Variants in WWOX observed in about 807,000 individuals in gnomAD.
The protein encoded by WWOX is WW domain containing oxidoreductase, also known as WW domain-containing oxidoreductase.
Under a neutral mutation model 46.2 loss-of-function variants are expected in WWOX, and 69 were observed. That is an observed-to-expected ratio of 1.49 (90% CI 1.23 to 1.82). The LOEUF (loss-of-function observed/expected upper bound fraction) is 1.82, where lower values mean the gene tolerates loss of function less well. Among genes scored for constraint, WWOX ranks in the 40% most tolerant of loss-of-function variants. WWOX has a pLI of 0.00. For missense variants in WWOX, 919 were observed against 542.6 expected (o/e 1.69, Z -6.89); for synonymous variants, 359 against 202.6 (o/e 1.77, Z -6.56).
chr16:78,880,832 G>C (rs544258484), intron 8 of WWOX, among the ~76,000 whole-genome samples: 4 of 152,144 alleles, frequency 2.6e-5, no homozygotes, highest in South Asian at 4.1e-4. Flanking sequence ...TTTCTAAGTT[G>C]GGATCAGTTC....
At chr16:78,830,244 A>G (rs1166486151) in intron 8 of WWOX, among the ~76,000 whole-genome samples, 1 of 152,266 alleles carries the variant, frequency 6.6e-6, no homozygotes, top group African/African-American at 2.4e-5. Context: ...TTTGCATCTG[A>G]ATGATATTTA....
chr16:78,808,851 C>T (rs2051110987), intron 8 of WWOX, among the ~76,000 whole-genome samples: 1 of 152,082 alleles, frequency 6.6e-6, no homozygotes, highest in East Asian at 1.9e-4. Flanking sequence ...TACGGCTGCC[C>T]CTCATTTGAA....
intron 7 of WWOX, among the ~76,000 whole-genome samples, chr16:78,427,061 G>A (rs191540305): frequency 6.6e-6 from 1 of 152,206 alleles, no homozygotes; most frequent in Non-Finnish European, 1.5e-5. Flanking sequence ...CCATGAGTGA[G>A]CGTGGTGACT....
At chr16:79,158,654 C>G (rs1219301647) in intron 8 of WWOX, among the ~76,000 whole-genome samples, 1 of 152,246 alleles carries the variant, frequency 6.6e-6, no homozygotes, top group African/African-American at 2.4e-5. Context: ...TCTGTCCCCA[C>G]CTGCTATCCT....
intron 8 of WWOX, among the ~76,000 whole-genome samples, chr16:79,147,906 C>G (rs1300572922): frequency 1.3e-5 from 2 of 151,800 alleles, no homozygotes; most frequent in African/African-American, 2.4e-5. Context: ...ATGTTTTTTT[C>G]TCATTTTCTA....
At chr16:78,413,282 T>C (rs570467292) in intron 6 of WWOX, among the ~76,000 whole-genome samples, 5 of 152,262 alleles carry the variant, frequency 3.3e-5, no homozygotes, top group Admixed American at 3.3e-4. Flanking sequence ...GTCTCACGTG[T>C]CCATGTGAAG....
chr16:79,184,469 T>C (rs2050974852), intron 8 of WWOX, among the ~76,000 whole-genome samples: 1 of 152,176 alleles, frequency 6.6e-6, no homozygotes, highest in Admixed American at 6.5e-5. Context: ...GTTTCTGTTG[T>C]CTTTGCTGCA....
intron 8 of WWOX, among the ~76,000 whole-genome samples, chr16:78,829,970 C>A (rs112813980): frequency 0.019 from 2,843 of 152,102 alleles, 38 homozygotes; most frequent in Non-Finnish European, 0.027. Flanking sequence ...CTTTAAAATA[C>A]TTTGGGGCCA....
intron 8 of WWOX, among the ~76,000 whole-genome samples, chr16:78,682,218 G>T (rs1567487358): frequency 6.6e-6 from 1 of 152,064 alleles, no homozygotes; most frequent in Non-Finnish European, 1.5e-5. Flanking sequence ...TGAAAATTGG[G>T]CCTAACCCAC....
chr16:78,177,162 G>A (rs1259731107), intron 5 of WWOX, among the ~76,000 whole-genome samples: 1 of 152,132 alleles, frequency 6.6e-6, no homozygotes, highest in East Asian at 1.9e-4. Context: ...TTTTATAAAA[G>A]GGCGGGTACA....
chr16:78,188,254 C>T (rs559730796), intron 5 of WWOX, among the ~76,000 whole-genome samples: 4 of 152,192 alleles, frequency 2.6e-5, no homozygotes, highest in African/African-American at 4.8e-5. Context: ...CTTTGGGAGG[C>T]CGAGGCGGGC....
At chr16:78,414,214 CA>C (rs1375655378) in intron 6 of WWOX, among the ~76,000 whole-genome samples, 1 of 152,044 alleles carries the variant, frequency 6.6e-6, no homozygotes, top group African/African-American at 2.4e-5. Context: ...AACTGCCCTA[CA>C]CCTATTTCCC....
intron 6 of WWOX, among the ~76,000 whole-genome samples, chr16:78,421,748 T>A (rs1197509839): frequency 6.6e-6 from 1 of 152,204 alleles, no homozygotes; most frequent in Admixed American, 6.5e-5. Flanking sequence ...TGGCTAAAAC[T>A]TGATCTGCTT....
rs375283452 is a variant in WWOX, at chr16:78,957,909, G to T, written c.1057-253699G>T. ...ACATGACTAATCCGCCCTTTCTTTT[G>T]TTTGTGCAACAACTCAATTCACTGT... On this transcript the variant is annotated intron_variant, in intron 8 of 8. Transcript: ENST00000566780. 1.3e-3 allele frequency among the ~76,000 whole-genome samples: 198 copies of T among 152,268 alleles called. 1 individual carries two copies. Among genetic ancestry groups the T allele is most frequent in the African/African-American group, 4.4e-3 (183 of 41,558 alleles).
At chr16:78,404,578 A>G (rs561289980) in intron 6 of WWOX, among the ~76,000 whole-genome samples, 1 of 152,208 alleles carries the variant, frequency 6.6e-6, no homozygotes, top group East Asian at 1.9e-4. Flanking sequence ...GGCCTATCAA[A>G]TTTCTTTCAT....
intron 8 of WWOX, among the ~76,000 whole-genome samples, chr16:78,866,436 C>A (rs1223314656): frequency 1.5e-5 from 2 of 129,246 alleles, no homozygotes; most frequent in Admixed American, 1.5e-4. Context: ...ACATCCCGTG[C>A]TATTTTTTTT....
intron 8 of WWOX, chr16:78,891,063 T>G (rs889440233): frequency 6.6e-6 from 1 of 152,206 alleles, no homozygotes; most frequent in African/African-American, 2.4e-5. Context: ...TGTTTCATAG[T>G]GAATAAAAAG....
At chr16:79,090,315 GTGTGATATA>G (rs1353457094) in intron 8 of WWOX, among the ~76,000 whole-genome samples, 3 of 150,644 alleles carry the variant, frequency 2.0e-5, no homozygotes, top group Non-Finnish European at 4.4e-5. Context: ...GTGTGTGTGT[GTGTGATATA>G]ATGTGTTGCA....
At chr16:78,666,652 A>G (rs1428131770) in intron 8 of WWOX, among the ~76,000 whole-genome samples, 1 of 152,190 alleles carries the variant, frequency 6.6e-6, no homozygotes, top group African/African-American at 2.4e-5. Context: ...CTGATTGGCA[A>G]GGTCATCTTG....
Sources: gnomAD v4.1 joint callset for allele counts (sites outside exome capture counted in the v4.1 genomes callset) on GRCh38, gnomAD v4.1.1 for gene constraint, MANE v1.5 for transcripts, NCBI Gene and HGNC (gene_info 2026-07-23, HGNC 2026-07-21) for gene names.